NGEF: variants seen among roughly 807,000 people sequenced by gnomAD.
NGEF encodes the protein neuronal guanine nucleotide exchange factor.
Under a neutral mutation model 80.9 loss-of-function variants are expected in NGEF, and 31 were observed. That is an observed-to-expected ratio of 0.38 (90% CI 0.29 to 0.52). The LOEUF is 0.52. Among genes scored for constraint, NGEF ranks in the 20% least tolerant of loss-of-function variants. The probability of loss-of-function intolerance (pLI) is 0.84; values close to 1 mark genes in which losing one functional copy is unlikely to be tolerated. For missense variants in NGEF, 709 were observed against 926.2 expected, an observed-to-expected ratio of 0.77 and a Z score of 3.04; for synonymous variants, 371 against 370.2, an observed-to-expected ratio of 1.00 and a Z score of -0.03.
intron 5 of NGEF, among the ~76,000 whole-genome samples, chr2:232,909,717 C>T (rs141542978): frequency 0.014 from 2,121 of 152,174 alleles, 22 homozygotes; most frequent in South Asian, 0.04. Flanking sequence ...TCCCGTCTCC[C>T]CACGCTCCCC....
At chr2:232,992,419 G>A (rs1368120514) in intron 1 of NGEF, among the ~76,000 whole-genome samples, 5 of 152,192 alleles carry the variant, frequency 3.3e-5, no homozygotes, top group East Asian at 3.9e-4. Flanking sequence ...TTAGCTAAGC[G>A]TGGTGGTGCA....
rs545905012 is a variant in NGEF at position 233,011,985 on chromosome 2, C to T, written c.-75+1083G>A. Among the ~76,000 whole-genome samples the T allele has an allele frequency of 6.6e-5, 10 of 152,262 alleles. No homozygotes were observed. The East Asian group carries it at 1.7e-3, about 27-fold the overall frequency. ...CCTTCATGGACCAGAAAGCTTGACCCCCAAGGGGACCCTGGCTTCTACTTC... is the reference window on the plus strand; with the variant it reads ...CCTTCATGGACCAGAAAGCTTGACCTCCAAGGGGACCCTGGCTTCTACTTC... On this transcript the variant is annotated intron_variant, in intron 1 of 14. Coordinates refer to ENST00000264051, the MANE Select transcript of NGEF (RefSeq NM_019850.3).
chr2:232,939,114 G>A (rs1383487134), intron 3 of NGEF, among the ~76,000 whole-genome samples: 1 of 147,764 alleles, frequency 6.8e-6, no homozygotes, highest in Admixed American at 7.0e-5. Flanking sequence ...GGATGAAGAG[G>A]TTGCAGTGAG....
chr2:233,013,247 G>C lies in NGEF; in HGVS notation c.-254C>G. 4.2e-6 allele frequency: 2 copies of C among 471,182 alleles called. No individual in the cohort carries two copies. The highest frequency in any genetic ancestry group is 1.5e-5 in the South Asian group (1 of 64,570). 29.2% of individuals were successfully genotyped at this position (471,182 alleles called of 1,614,324 possible). On this transcript the variant is annotated 5_prime_UTR_variant, in exon 1 of 15. Transcript: ENST00000264051. Reference sequence around the variant, plus strand: ...CGTCCTGTCCTGGAAAAGCTTCACTGGTAAGCATTCCCGACCTTTAGACCT... The same window carrying C: ...CGTCCTGTCCTGGAAAAGCTTCACTCGTAAGCATTCCCGACCTTTAGACCT...
At chr2:232,973,778 A>G (rs931303744) in intron 2 of NGEF, among the ~76,000 whole-genome samples, 11 of 152,222 alleles carry the variant, frequency 7.2e-5, no homozygotes, top group African/African-American at 2.7e-4. Flanking sequence ...AACCCCCAGA[A>G]TCATGAGAAA....
At chr2:232,883,563 C>A (rs1432407976) in intron 11 of NGEF, 97 bp from the exon 12 acceptor site, 5 of 1,236,050 alleles carry the variant, frequency 4.0e-6, no homozygotes, top group Non-Finnish European at 5.4e-6. Context: ...CCTGGCTCCA[C>A]AGCGCTGGCT....
intron 5 of NGEF, among the ~76,000 whole-genome samples, chr2:232,918,460 G>A (rs1692858865): frequency 1.3e-5 from 2 of 151,930 alleles, no homozygotes; most frequent in Admixed American, 1.3e-4. Context: ...TTATTGTAAC[G>A]GATTTGTTTG....
intron 1 of NGEF, among the ~76,000 whole-genome samples, chr2:232,991,842 C>G (rs1694656384): frequency 6.6e-6 from 1 of 152,160 alleles, no homozygotes; most frequent in African/African-American, 2.4e-5. Flanking sequence ...TACAAAGCAA[C>G]AGTAATCAAG....
chr2:232,979,020 C>T (rs931025358), intron 1 of NGEF, among the ~76,000 whole-genome samples: 9 of 152,106 alleles, frequency 5.9e-5, no homozygotes, highest in Non-Finnish European at 1.3e-4. Flanking sequence ...ATTTACTGTG[C>T]GGTGCCAGGG....
intron 3 of NGEF, among the ~76,000 whole-genome samples, chr2:232,935,124 TA>T (rs1553551526): frequency 1.3e-5 from 2 of 152,238 alleles, no homozygotes; most frequent in Non-Finnish European, 2.9e-5. Context: ...CTTTGGGTTA[TA>T]AAAGCTAAAC....
At chr2:232,896,992 A>T (rs1692114429) in intron 5 of NGEF, among the ~76,000 whole-genome samples, 1 of 101,716 alleles carries the variant, frequency 9.8e-6, no homozygotes, top group African/African-American at 4.0e-5. Flanking sequence ...AGGGTGAGGT[A>T]GGGGTGCGGG....
intron 3 of NGEF, chr2:232,928,202 A>C: frequency 2.9e-6 from 2 of 695,764 alleles, no homozygotes; most frequent in Non-Finnish European, 3.5e-6. Context: ...CACGGCAACG[A>C]GGGAGGCGGG....
chr2:232,888,060 A>G lies in NGEF; in HGVS notation c.1320T>C (p.Ala440=). ...VEERSERECT[A]LDAHKELEMV... ...TTTCCAGCTCCTTGTGAGCATCCAAAGCAGTGCACTCCCGCTCAGACCTCT... is the reference window on the plus strand; with the variant it reads ...TTTCCAGCTCCTTGTGAGCATCCAAGGCAGTGCACTCCCGCTCAGACCTCT... The change falls in exon 9 of 15, where the codon GCT becomes GCC. Residue 440 remains alanine, a synonymous_variant. Transcript: ENST00000264051. 6.2e-7 allele frequency: 1 copy of G among 1,614,038 alleles called. No homozygotes were observed. The highest frequency in any genetic ancestry group is 8.5e-7 in the Non-Finnish European group (1 of 1,179,938).
chr2:232,936,068 A>G (rs1388381363), intron 3 of NGEF, among the ~76,000 whole-genome samples: 1 of 152,210 alleles, frequency 6.6e-6, no homozygotes, highest in East Asian at 1.9e-4. Context: ...TCTAGGGGGA[A>G]AGTGAGGAAA....
chr2:232,997,641 C>T (rs1044596357), intron 1 of NGEF, among the ~76,000 whole-genome samples: 8 of 152,182 alleles, frequency 5.3e-5, no homozygotes, highest in African/African-American at 1.9e-4. Context: ...CCTCTTCTCT[C>T]TGATGCCTGC....
chr2:232,981,400 C>CGAGTAGA (rs1261490653), intron 1 of NGEF, among the ~76,000 whole-genome samples: 1 of 152,006 alleles, frequency 6.6e-6, no homozygotes, highest in Non-Finnish European at 1.5e-5. Context: ...ATTAGCTACA[C>CGAGTAGA]GAGTAGAAAT....
intron 5 of NGEF, among the ~76,000 whole-genome samples, chr2:232,919,604 AAAAC>A (rs1280599407): frequency 1.3e-5 from 2 of 152,216 alleles, no homozygotes; most frequent in African/African-American, 4.8e-5. Flanking sequence ...TTGTTCCACT[AAAAC>A]AAACACTTAA....
chr2:232,883,338 G>T lies in NGEF; in HGVS notation c.1730C>A (p.Ala577Asp). The change falls in exon 12 of 15, where the codon GCC (alanine) becomes GAC (aspartate). Residue 577 changes from alanine (A) to aspartate (D), a missense_variant. Ala to Asp is a moderately radical substitution (Grantham distance 126). This residue lies in a region of NGEF where 426 missense variants were observed against 622.9 expected (regional missense o/e 0.68). Coordinates refer to ENST00000264051, the MANE Select transcript of NGEF (RefSeq NM_019850.3). ...RLLENADDRE[A>D]TYMLKASSQS... Reference sequence around the variant, plus strand: ...AGAGGACGCCTTTAGCATGTAGGTGGCCTCCCGGTCATCTGCGTTCTCCAG... The same window carrying T: ...AGAGGACGCCTTTAGCATGTAGGTGTCCTCCCGGTCATCTGCGTTCTCCAG... 6.2e-7 allele frequency: 1 copy of T among 1,610,514 alleles called. No individual in the cohort carries two copies. The highest frequency in any genetic ancestry group is 8.5e-7 in the Non-Finnish European group (1 of 1,177,944).
chr2:232,910,336 C>T (rs1011731073), intron 5 of NGEF, among the ~76,000 whole-genome samples: 1 of 152,012 alleles, frequency 6.6e-6, no homozygotes, highest in Non-Finnish European at 1.5e-5. Context: ...AACCTAGATC[C>T]CTCGCATGTG....
Sources: allele counts gnomAD v4.1 joint callset (sites outside exome capture counted in the v4.1 genomes callset), GRCh38; gene constraint gnomAD v4.1.1; regional missense constraint gnomAD v4.1.1; transcripts MANE v1.5; gene names NCBI Gene and HGNC (gene_info 2026-07-23, HGNC 2026-07-21).